ZEB1: variants seen among roughly 807,000 people sequenced by gnomAD.
ZEB1 encodes the protein zinc finger E-box-binding homeobox 1.
A neutral mutation model predicts 84.9 loss-of-function variants in ZEB1; 21 were observed. The ratio of observed to expected loss-of-function variants is 0.25; its 90% confidence interval spans 0.18 to 0.36. The LOEUF is 0.36. Among genes scored for constraint, ZEB1 ranks in the 10% least tolerant of loss-of-function variants. ZEB1 has a pLI of 1.00. For synonymous variants in ZEB1, 420 were observed against 471.1 expected (o/e 0.89, Z 1.41); for missense variants, 1,104 against 1,330.2 (o/e 0.83, Z 2.65).
At chr10:31,343,685 A>T (rs1214878510) in intron 1 of ZEB1, among the ~76,000 whole-genome samples, 1 of 152,088 alleles carries the variant, frequency 6.6e-6, no homozygotes, top group African/African-American at 2.4e-5. Context: ...GGAGGAGATG[A>T]TTCTGAAGGT....
At chr10:31,400,708 T>A (rs2051813115) in intron 1 of ZEB1, among the ~76,000 whole-genome samples, 1 of 152,160 alleles carries the variant, frequency 6.6e-6, no homozygotes, top group South Asian at 2.1e-4. Flanking sequence ...CTTTTCAGGA[T>A]CCTTGTTCTG....
chr10:31,453,425 T>A (rs1391621363), intron 1 of ZEB1, among the ~76,000 whole-genome samples: 1 of 152,136 alleles, frequency 6.6e-6, no homozygotes, highest in Non-Finnish European at 1.5e-5. Flanking sequence ...ATTTAGGTGA[T>A]CTTGCTTTCA....
At chr10:31,412,407 C>T (rs2054471369) in intron 1 of ZEB1, among the ~76,000 whole-genome samples, 1 of 152,152 alleles carries the variant, frequency 6.6e-6, no homozygotes, top group African/African-American at 2.4e-5. Flanking sequence ...TATCCCTCCC[C>T]ACTCCCTCTA....
intron 1 of ZEB1, among the ~76,000 whole-genome samples, chr10:31,359,070 C>G (rs143095994): frequency 6.6e-6 from 1 of 152,072 alleles, no homozygotes; most frequent in African/African-American, 2.4e-5. Context: ...TGACTGTGCT[C>G]TTGGCTGTTA....
At chr10:31,436,737 A>T (rs943399087) in intron 1 of ZEB1, among the ~76,000 whole-genome samples, 2 of 152,164 alleles carry the variant, frequency 1.3e-5, no homozygotes, top group Non-Finnish European at 2.9e-5. Context: ...AAGCTTTTCT[A>T]TATATCAGTA....
intron 1 of ZEB1, among the ~76,000 whole-genome samples, chr10:31,451,926 A>G (rs2060611513): frequency 6.6e-6 from 1 of 152,156 alleles, no homozygotes; most frequent in African/African-American, 2.4e-5. Flanking sequence ...ACAGGAGAAA[A>G]TAAGAACTAG....
intron 1 of ZEB1, among the ~76,000 whole-genome samples, chr10:31,442,122 G>A (rs951299743): frequency 2.3e-4 from 35 of 152,242 alleles, no homozygotes; most frequent in Non-Finnish European, 3.7e-4. Flanking sequence ...TGTTGATTGC[G>A]GCACTATTCA....
chr10:31,372,136 C>A (rs2045828990), intron 1 of ZEB1, among the ~76,000 whole-genome samples: 1 of 151,894 alleles, frequency 6.6e-6, no homozygotes. Flanking sequence ...AATTTTGCAC[C>A]TTTTATAGTT....
chr10:31,474,663 G>C (rs1323154350), intron 2 of ZEB1, among the ~76,000 whole-genome samples: 1 of 152,144 alleles, frequency 6.6e-6, no homozygotes, highest in Admixed American at 6.5e-5. Context: ...CGATTCCTCA[G>C]GGATCTAGAA....
intron 1 of ZEB1, among the ~76,000 whole-genome samples, chr10:31,383,815 T>A (rs2048127106): frequency 6.6e-6 from 1 of 152,098 alleles, no homozygotes. Flanking sequence ...TAGAAAGAAC[T>A]GGTAAAAGGA....
chr10:31,449,902 G>A (rs536512867), intron 1 of ZEB1, among the ~76,000 whole-genome samples: 2 of 152,152 alleles, frequency 1.3e-5, no homozygotes, highest in Admixed American at 6.5e-5. Context: ...ACCATGTCAG[G>A]GGTATACTAT....
chr10:31,343,226 T>C (rs2039712088), intron 1 of ZEB1, among the ~76,000 whole-genome samples: 1 of 152,162 alleles, frequency 6.6e-6, no homozygotes, highest in Admixed American at 6.6e-5. Context: ...ATTTTAGCAC[T>C]AAACTGTAGT....
intron 1 of ZEB1, among the ~76,000 whole-genome samples, chr10:31,330,774 T>C (rs1423041395): frequency 6.6e-6 from 1 of 152,144 alleles, no homozygotes; most frequent in African/African-American, 2.4e-5. Flanking sequence ...ATTTCTTTCA[T>C]TTCTTAGAAA....
At chr10:31,513,638 T>G (rs2070519128) in intron 5 of ZEB1, among the ~76,000 whole-genome samples, 1 of 152,180 alleles carries the variant, frequency 6.6e-6, no homozygotes, top group African/African-American at 2.4e-5. Flanking sequence ...TGGAAGAGCA[T>G]GAAGCAGTAG....
In ZEB1 at chr10:31,521,162, A is replaced by C; in HGVS notation, c.1830A>C (p.Glu610Asp). The C allele has an allele frequency of 1.9e-6, 3 of 1,614,106 alleles. No homozygotes were observed. The highest frequency in any genetic ancestry group is 2.5e-6 in the Non-Finnish European group (3 of 1,180,006). ...YYALNAQPSAEELSKIADSVN... is the reference protein window; with the variant it reads ...YYALNAQPSADELSKIADSVN... The stretch of plus-strand genomic sequence containing the variant: ...CTTTGAATGCACAACCAAGTGCAGA[A>C]GAGCTCTCAAAAATTGCTGATTCAG... The change falls in exon 7 of 9, where the codon GAA (glutamate) becomes GAC (aspartate). Residue 610 changes from glutamate (E) to aspartate (D), a missense_variant. By Grantham distance (45) the Glu-to-Asp change is conservative. Transcript: ENST00000424869.
intron 1 of ZEB1, among the ~76,000 whole-genome samples, chr10:31,351,198 A>C (rs1368220677): frequency 6.6e-6 from 1 of 152,320 alleles, no homozygotes; most frequent in East Asian, 1.9e-4. Flanking sequence ...ACTGAAAAGA[A>C]ATATAGTAGT....
rs1554925071 is a variant in ZEB1, at chr10:31,514,488, G to GAT, written c.688-114_688-113insTA. On this transcript the variant is annotated intron_variant, in intron 5 of 8. Transcript: ENST00000424869. ...GACTGCTGCAATTTGAGGTCTTTAAGAAACAAAACAAAACAACCATCAGGC... is the reference window on the plus strand; with the variant it reads ...GACTGCTGCAATTTGAGGTCTTTAAGATAAACAAAACAAAACAACCATCAGGC... The GAT allele has an allele frequency of 1.8e-4, 161 of 918,830 alleles. No homozygotes were observed. In the African/African-American group the frequency reaches 2.5e-3, roughly 15 times the overall value. The allele number at this position is 918,830 out of a possible 1,614,324, so 56.9% of individuals were successfully genotyped here. A position where few individuals can be genotyped will look rare whatever the true frequency, so the allele number is the denominator to read the frequency against.
chr10:31,380,920 A>G (rs113026333), intron 1 of ZEB1, among the ~76,000 whole-genome samples: 3,922 of 152,272 alleles, frequency 0.026, 149 homozygotes, highest in African/African-American at 0.09. Flanking sequence ...TGTTGGTCCT[A>G]TAGGAGTTGG....
At chr10:31,350,241 C>T (rs1364128346) in intron 1 of ZEB1, among the ~76,000 whole-genome samples, 3 of 151,910 alleles carry the variant, frequency 2.0e-5, no homozygotes, top group African/African-American at 7.3e-5. Context: ...TGTGTGGTCT[C>T]TCTATTATAT....
Sources: allele counts gnomAD v4.1 joint callset (sites outside exome capture counted in the v4.1 genomes callset), GRCh38; gene constraint gnomAD v4.1.1; transcripts MANE v1.5; gene names NCBI Gene and HGNC (gene_info 2026-07-23, HGNC 2026-07-21).